Variants in C9orf50 observed in about 807,000 individuals in gnomAD.
C9orf50 encodes uncharacterized protein C9orf50.
A neutral mutation model predicts 42.5 loss-of-function variants in C9orf50; 33 were observed. That is an observed-to-expected ratio of 0.78 (90% CI 0.59 to 1.04). The LOEUF (loss-of-function observed/expected upper bound fraction) is 1.04. Ranked by LOEUF, C9orf50 falls within the 50% of genes least tolerant of loss-of-function variation. The probability of loss-of-function intolerance (pLI) is 0.00; values close to 1 mark genes in which losing one functional copy is unlikely to be tolerated. For missense variants in C9orf50, 547 were observed against 594.3 expected (o/e 0.92, Z 0.83); for synonymous variants, 257 against 273.4 (o/e 0.94, Z 0.59).
chr9:129,615,725 G>T, intron 3 of C9orf50, 78 bp from the exon 4 acceptor site: 1 of 1,424,442 alleles, frequency 7.0e-7, no homozygotes, highest in East Asian at 2.5e-5. Flanking sequence ...CAGACTCGCT[G>T]TGAGATCCTG....
chr9:129,618,645 G>A (rs1830507911), intron 3 of C9orf50, among the ~76,000 whole-genome samples: 2 of 151,994 alleles, frequency 1.3e-5, no homozygotes, highest in South Asian at 4.2e-4. Flanking sequence ...ATCAATGGAT[G>A]GATGGATAGA....
intron 3 of C9orf50, 142 bp from the exon 4 acceptor site, chr9:129,615,789 G>C: frequency 1.0e-6 from 1 of 961,120 alleles, no homozygotes; most frequent in Non-Finnish European, 1.4e-6. Context: ...CACAGCAGCC[G>C]GCCTTAACGG....
At chr9:129,617,639 T>C (rs1319010648) in intron 3 of C9orf50, among the ~76,000 whole-genome samples, 8 of 152,210 alleles carry the variant, frequency 5.3e-5, no homozygotes, top group Admixed American at 2.6e-4. Context: ...TTTGGCCTGA[T>C]TGGTTGAACG....
intron 3 of C9orf50, among the ~76,000 whole-genome samples, chr9:129,618,870 T>G (rs766923980): frequency 0.011 from 112 of 10,124 alleles, 1 homozygote; most frequent in African/African-American, 0.029. Context: ...TTTTTTGTGT[T>G]TTTTTTTTTT....
intron 2 of C9orf50, 52 bp from the exon 3 acceptor site, chr9:129,619,688 T>G (rs41278710): frequency 6.2e-7 from 1 of 1,612,756 alleles, no homozygotes; most frequent in Non-Finnish European, 8.5e-7. Context: ...TGTCCCGCCC[T>G]GGAAACATCG....
chr9:129,619,566 G>T, exon 3 of C9orf50: 1 of 1,614,128 alleles, frequency 6.2e-7, no homozygotes, highest in South Asian at 1.1e-5. Flanking sequence ...TCACCCTTCA[G>T]GGGCCCCAGA....
rs1318609446 is a variant in C9orf50, at chr9:129,615,476, C to A, written c.880+8G>T. On this transcript the variant is annotated splice_region_variant and intron_variant, in intron 4 of 6. Transcript: ENST00000372478. Reference sequence around the variant, plus strand: ...GGAGTCTCGAGGCTCCCCATCCTGTCTGCTTACCTGAGCGTCTGCGCTCCC... The same window carrying A: ...GGAGTCTCGAGGCTCCCCATCCTGTATGCTTACCTGAGCGTCTGCGCTCCC... The A allele has an allele frequency of 1.3e-6, 2 of 1,579,756 alleles. No individual in the cohort carries two copies. The highest frequency in any genetic ancestry group is 1.8e-5 in the Admixed American group (1 of 55,804).
chr9:129,615,353 C>T, intron 4 of C9orf50, 131 bp downstream of exon 4: 1 of 1,009,578 alleles, frequency 9.9e-7, no homozygotes, highest in East Asian at 2.9e-5. Context: ...CAGGCACATC[C>T]TCTGCAGGAT....
At chr9:129,616,475 C>G (rs1322425435) in intron 3 of C9orf50, among the ~76,000 whole-genome samples, 1 of 152,148 alleles carries the variant, frequency 6.6e-6, no homozygotes, top group Admixed American at 6.5e-5. Flanking sequence ...CTTCGCCTTC[C>G]TAAGTGCTGG....
Position 129,613,342 on chromosome 9 carries a change from C to T in C9orf50, c.1044-91G>A. 6.4e-7 allele frequency: 1 copy of T among 1,568,238 alleles called. No individual in the cohort carries two copies. Among genetic ancestry groups the T allele is most frequent in the Non-Finnish European group, 8.7e-7 (1 of 1,155,586 alleles). On this transcript the variant is annotated intron_variant, in intron 5 of 6. Transcript: ENST00000372478. The surrounding 1 kb of genome is among the most constrained non-coding windows in gnomAD (Gnocchi z 6.2). ...GGCCCTTGAGGACCCACACTGGCAA[C>T]CCGCCTGCTGCTGGGTGGGGAGGTC... is the stretch of plus-strand genomic sequence containing the variant.
rs1830265214 is a variant in C9orf50, at chr9:129,614,711, T to C, written c.880+773A>G. ...TGAGGTCAGGAGTTCGAGACCACCC[T>C]GGTCAACATGGAGAAACCCCGTCTC... On this transcript the variant is annotated intron_variant, in intron 4 of 6. Transcript: ENST00000372478. This position sits in a 1 kb window ranked among gnomAD's most constrained non-coding sequence, Gnocchi z 4.4. Among the ~76,000 whole-genome samples the C allele has an allele frequency of 6.6e-6, 1 of 152,030 alleles. No homozygotes were observed. The highest frequency in any genetic ancestry group is 1.5e-5 in the Non-Finnish European group (1 of 67,986).
exon 7 of C9orf50, chr9:129,612,443 C>T (rs1282500492): frequency 1.2e-6 from 2 of 1,613,198 alleles, no homozygotes; most frequent in East Asian, 2.2e-5. Flanking sequence ...CCCGGTTGGG[C>T]AGGAGGGACT....
upstream of C9orf50, among the ~76,000 whole-genome samples, chr9:129,621,149 G>C (rs573561643): frequency 2.0e-5 from 3 of 152,212 alleles, no homozygotes; most frequent in African/African-American, 4.8e-5. Flanking sequence ...AACTGTTACC[G>C]TCATTAGCGC....
chr9:129,619,785 G>A, exon 2 of C9orf50: 1 of 1,614,076 alleles, frequency 6.2e-7, no homozygotes, highest in Middle Eastern at 1.7e-4. Flanking sequence ...CGGAGACCCT[G>A]GGCAGTGCTC....
rs117268212 is a variant in C9orf50 at position 129,617,987 on chromosome 9, T to C, written c.716+1533A>G. On this transcript the variant is annotated intron_variant, in intron 3 of 6. Coordinates refer to ENST00000372478, the Ensembl canonical transcript of C9orf50. ...GCATGAGCCACCATGCTTGGCCATG[T>C]GTTCCATTTCTAGTTCCTACCCTGA... Among the ~76,000 whole-genome samples the C allele has an allele frequency of 3.6e-3, 556 of 152,336 alleles. 16 individuals are homozygous for C. The East Asian group carries it at 0.065, about 18-fold the overall frequency.
At position 129,620,607 on chromosome 9, in the gene C9orf50, AGC is replaced by A; in HGVS notation, c.-35_-34del. 7.7e-7 allele frequency: 1 copy of A among 1,305,326 alleles called. No individual in the cohort carries two copies. The highest frequency in any genetic ancestry group is 9.7e-7 in the Non-Finnish European group (1 of 1,025,962). The allele number at this position is 1,305,326 out of a possible 1,614,324, so 80.9% of individuals were successfully genotyped here. On this transcript the variant is annotated 5_prime_UTR_variant, in exon 1 of 7. It removes the in-frame stop codon of an upstream open reading frame in the 5' UTR. Coordinates refer to ENST00000372478, the Ensembl canonical transcript of C9orf50. This position sits in a 1 kb window ranked among gnomAD's most constrained non-coding sequence, Gnocchi z 5.8. ...CCCGCACTCAGCTCACCGCACCCTCAGCGCGCGTGGGTGGGGGGCGCCGGCTG... is the reference window on the plus strand; with the variant it reads ...CCCGCACTCAGCTCACCGCACCCTCAGCGCGTGGGTGGGGGGCGCCGGCTG...
In C9orf50 at chr9:129,613,950, C is replaced by T. The variant is rs188204347; in HGVS notation, c.881-353G>A. ...GAGGGCTGTCTCAGGGATGGGGGCT[C>T]TTCCTGTCCAACAGCAGCCATGCGA... On this transcript the variant is annotated intron_variant, in intron 4 of 6. Transcript: ENST00000372478. This position sits in a 1 kb window ranked among gnomAD's most constrained non-coding sequence, Gnocchi z 6.2. 6.6e-6 allele frequency among the ~76,000 whole-genome samples: 1 copy of T among 152,294 alleles called. No individual in the cohort carries two copies. The highest frequency in any genetic ancestry group is 1.9e-4 in the East Asian group (1 of 5,176).
chr9:129,615,449 C>T (rs918166), intron 4 of C9orf50, 35 bp downstream of exon 4: 662,516 of 1,522,042 alleles, frequency 0.44, 148,813 homozygotes, highest in African/African-American at 0.68. Flanking sequence ...CTAGAACTTT[C>T]GGGAGTCTCG....
chr9:129,612,284 G>T, exon 7 of C9orf50: 1 of 1,395,072 alleles, frequency 7.2e-7, no homozygotes, highest in Non-Finnish European at 1.0e-6. Flanking sequence ...TATTTGTGGG[G>T]CAAGGAAGGA....
Sources: gnomAD v4.1 joint callset for allele counts (sites outside exome capture counted in the v4.1 genomes callset) on GRCh38, gnomAD v4.1.1 for gene constraint, Gnocchi (gnomAD v3.1) non-coding constraint, MANE v1.5 for transcripts, NCBI Gene and HGNC (gene_info 2026-07-23, HGNC 2026-07-21) for gene names.